Variants in GALNTL6 observed in about 807,000 individuals in gnomAD.
GALNTL6 encodes the protein polypeptide N-acetylgalactosaminyltransferase like 6, also known as polypeptide N-acetylgalactosaminyltransferase-like 6.
GALNTL6 carries 46 observed loss-of-function variants against 73.7 expected under a neutral mutation model. The ratio of observed to expected loss-of-function variants is 0.62; its 90% CI spans 0.49 to 0.80. GALNTL6 has a LOEUF of 0.80. Among genes scored for constraint, GALNTL6 ranks in the 30% least tolerant of loss-of-function variants. The probability of loss-of-function intolerance (pLI) is 0.00; values close to 1 mark genes in which losing one functional copy is unlikely to be tolerated. For synonymous variants in GALNTL6, 259 were observed against 263.7 expected (o/e 0.98, Z 0.17); for missense variants, 604 against 755.0 (o/e 0.80, Z 2.34).
rs1736689320 is a variant in GALNTL6 at position 171,889,156 on chromosome 4, A to T, written c.138+74438A>T. On this transcript the variant is annotated intron_variant, in intron 2 of 12. Transcript: ENST00000506823. ...AAAAAGCAACCCAAGAAACATCATA[A>T]AAAAAGATATAGTCTTTGACATAAT... is the stretch of plus-strand genomic sequence containing the variant. Among the ~76,000 whole-genome samples the T allele has an allele frequency of 2.6e-5, 4 of 152,184 alleles. No homozygotes were observed. In the South Asian group the frequency reaches 8.3e-4, roughly 32 times the overall value.
At chr4:172,336,034 G>A (rs1432907795) in intron 4 of GALNTL6, among the ~76,000 whole-genome samples, 1 of 151,922 alleles carries the variant, frequency 6.6e-6, no homozygotes, top group East Asian at 1.9e-4. Context: ...TATGTGTGAT[G>A]TTACACTGTT....
At chr4:171,863,541 G>A (rs1357312662) in intron 2 of GALNTL6, among the ~76,000 whole-genome samples, 2 of 151,808 alleles carry the variant, frequency 1.3e-5, no homozygotes, top group African/African-American at 4.8e-5. Flanking sequence ...TTACATTCTT[G>A]GTGATCTATT....
chr4:172,249,946 G>A (rs1289621030), intron 3 of GALNTL6, among the ~76,000 whole-genome samples: 1 of 152,160 alleles, frequency 6.6e-6, no homozygotes, highest in African/African-American at 2.4e-5. Flanking sequence ...TCCCCACTAG[G>A]GCACTGCCTA....
At chr4:172,197,392 A>G (rs374307305) in intron 2 of GALNTL6, among the ~76,000 whole-genome samples, 6 of 152,212 alleles carry the variant, frequency 3.9e-5, no homozygotes, top group Non-Finnish European at 7.3e-5. Flanking sequence ...ATTCAATGCT[A>G]TTCCCATTAA....
intron 5 of GALNTL6, among the ~76,000 whole-genome samples, chr4:172,677,772 A>C (rs1331915808): frequency 6.6e-6 from 1 of 152,140 alleles, no homozygotes; most frequent in Non-Finnish European, 1.5e-5. Context: ...AAAAATTAAA[A>C]AAAAAAGAAT....
At chr4:172,611,389 T>A (rs533771384) in intron 5 of GALNTL6, among the ~76,000 whole-genome samples, 1 of 152,204 alleles carries the variant, frequency 6.6e-6, no homozygotes, top group East Asian at 1.9e-4. Flanking sequence ...TCTTACTATT[T>A]GCTTATCTGG....
At chr4:172,749,070 A>G (rs1401816399) in intron 5 of GALNTL6, among the ~76,000 whole-genome samples, 5 of 145,334 alleles carry the variant, frequency 3.4e-5, no homozygotes, top group African/African-American at 1.3e-4. Flanking sequence ...CACCAGGCTA[A>G]TTTTTGTTGT....
chr4:171,962,917 A>G (rs545652006), intron 2 of GALNTL6, among the ~76,000 whole-genome samples: 89 of 151,686 alleles, frequency 5.9e-4, no homozygotes, highest in African/African-American at 2.1e-3. Context: ...ATAGGTGTGC[A>G]CCACCATGCC....
intron 5 of GALNTL6, among the ~76,000 whole-genome samples, chr4:172,513,591 T>A (rs1734501354): frequency 6.6e-6 from 1 of 152,154 alleles, no homozygotes; most frequent in Non-Finnish European, 1.5e-5. Flanking sequence ...CTCTTCAGAT[T>A]CTTTTGTCCC....
At chr4:172,283,717 T>A (rs1739144578) in intron 3 of GALNTL6, among the ~76,000 whole-genome samples, 2 of 152,156 alleles carry the variant, frequency 1.3e-5, no homozygotes. Flanking sequence ...AATGCCATAT[T>A]TCTAATGGAA....
At position 172,304,327 on chromosome 4, in the gene GALNTL6, A is replaced by T. The variant is rs1740047668; in HGVS notation, c.248-7287A>T. On this transcript the variant is annotated intron_variant, in intron 3 of 12. Transcript: ENST00000506823. ...TGCTGCTGGAGACATTACGATGAAG[A>T]TCAAAAAGTTCCTGCTTCTGCGGAG... is the stretch of plus-strand genomic sequence containing the variant. Among the ~76,000 whole-genome samples, 3 of 152,146 alleles carry T rather than the reference A, an allele frequency of 2.0e-5. No homozygotes were observed. The South Asian group carries it at 6.2e-4, about 32-fold the overall frequency.
At chr4:172,380,169 G>C (rs1002120152) in intron 5 of GALNTL6, 208 of 1,033,660 alleles carry the variant, frequency 2.0e-4, no homozygotes, top group Non-Finnish European at 7.0e-5. Flanking sequence ...GCCTGGATCC[G>C]TAGCAGAACT....
intron 5 of GALNTL6, among the ~76,000 whole-genome samples, chr4:172,478,773 TC>T (rs1733333318): frequency 6.6e-6 from 1 of 152,100 alleles, no homozygotes; most frequent in Admixed American, 6.5e-5. Flanking sequence ...AAGACTAATA[TC>T]CAGAACCTAT....
chr4:172,340,981 C>A (rs180733769), intron 4 of GALNTL6, among the ~76,000 whole-genome samples: 1 of 152,128 alleles, frequency 6.6e-6, no homozygotes, highest in Non-Finnish European at 1.5e-5. Flanking sequence ...ACTCTAGCCA[C>A]CTTGGTCGCC....
intron 7 of GALNTL6, among the ~76,000 whole-genome samples, chr4:172,871,815 G>A (rs1016433703): frequency 5.3e-5 from 8 of 151,176 alleles, no homozygotes; most frequent in South Asian, 4.2e-4. Flanking sequence ...ATGGAGTTTC[G>A]CTCTTTCACC....
intron 2 of GALNTL6, among the ~76,000 whole-genome samples, chr4:171,949,176 C>T (rs1051669426): frequency 2.6e-5 from 4 of 152,128 alleles, no homozygotes; most frequent in African/African-American, 9.7e-5. Flanking sequence ...AGAGAGTGCA[C>T]AGAGGCCAGG....
chr4:172,487,279 T>TTTCTTTCCTTCTTTCC (rs11281424), intron 5 of GALNTL6, among the ~76,000 whole-genome samples: 4 of 95,622 alleles, frequency 4.2e-5, no homozygotes, highest in Non-Finnish European at 6.8e-5. Context: ...TTCCTCTTTC[T>TTTCTTTCCTTCTTTCC]TTCTTTCCTT....
intron 8 of GALNTL6, among the ~76,000 whole-genome samples, chr4:172,908,895 A>AT (rs1228872590): frequency 6.6e-6 from 1 of 151,898 alleles, no homozygotes; most frequent in African/African-American, 2.4e-5. Context: ...AATGGTAATA[A>AT]TTTTTTTAGC....
chr4:171,963,256 A>T (rs1739283983), intron 2 of GALNTL6, among the ~76,000 whole-genome samples: 2 of 152,168 alleles, frequency 1.3e-5, no homozygotes, highest in African/African-American at 4.8e-5. Context: ...ACGGCACAGC[A>T]AATGATGTAG....
Sources: allele counts gnomAD v4.1 joint callset (sites outside exome capture counted in the v4.1 genomes callset), GRCh38; gene constraint gnomAD v4.1.1; transcripts MANE v1.5; gene names NCBI Gene and HGNC (gene_info 2026-07-23, HGNC 2026-07-21).